The following CAPN14 variants were observed in gnomAD, a reference collection of about 807,000 sequenced individuals.
The protein encoded by CAPN14 is calpain-14.
CAPN14 carries 94 observed loss-of-function variants against 101.3 expected under a neutral mutation model. That is an observed-to-expected ratio of 0.93 (90% CI 0.79 to 1.10). The LOEUF (loss-of-function observed/expected upper bound fraction) is 1.10, where lower values mean the gene tolerates loss of function less well. Ranked by LOEUF, CAPN14 falls within the 50% of genes least tolerant of loss-of-function variation. The pLI is 0.00. For synonymous variants in CAPN14, 338 were observed against 317.9 expected, an observed-to-expected ratio of 1.06 and a Z score of -0.67; for missense variants, 837 against 828.4, an observed-to-expected ratio of 1.01 and a Z score of -0.13.
chr2:31,181,038 C>A (rs755168692), intron 16 of CAPN14, 38 bp from the exon 17 acceptor site: 1 of 1,528,154 alleles, frequency 6.5e-7, no homozygotes, highest in Non-Finnish European at 8.9e-7. Context: ...GGGGCTGGCC[C>A]CAGGTCTGCA....
chr2:31,176,674 A>C (rs1680308297), intron 20 of CAPN14, 32 bp from the exon 21 acceptor site: 1 of 1,526,728 alleles, frequency 6.5e-7, no homozygotes, highest in Non-Finnish European at 8.9e-7. Flanking sequence ...GAATACAGCT[A>C]ATGTGTCTAT....
In CAPN14 at chr2:31,173,565, T is replaced by G. The variant is rs955570389; in HGVS notation, c.*1116A>C. ...ATTTCAGGATATCTGCATTATAGAC[T>G]TGTCAGTTGAACACCTCAAACCCAA... On this transcript the variant is annotated 3_prime_UTR_variant, in exon 22 of 22. Coordinates refer to ENST00000403897, the MANE Select transcript of CAPN14 (RefSeq NM_001145122.2). The G allele has an allele frequency of 1.3e-5, 2 of 152,216 alleles. No homozygotes were observed. Among genetic ancestry groups the G allele is most frequent in the African/African-American group, 2.4e-5 (1 of 41,458 alleles). The allele number at this position is 152,216 out of a possible 1,614,324, so 9.4% of individuals were successfully genotyped here.
intron 20 of CAPN14, 117 bp downstream of exon 20, chr2:31,176,909 C>T (rs998196708): frequency 3.7e-5 from 29 of 786,976 alleles, no homozygotes; most frequent in Non-Finnish European, 5.5e-5. Context: ...CACAGCTTCC[C>T]TGGTCTGCTG....
At chr2:31,213,487 C>A (rs909058310) in intron 1 of CAPN14, among the ~76,000 whole-genome samples, 3 of 152,224 alleles carry the variant, frequency 2.0e-5, no homozygotes, top group Non-Finnish European at 2.9e-5. Context: ...CTATGCTGTC[C>A]TTCATAGGCA....
intron 5 of CAPN14, 32 bp downstream of exon 5, chr2:31,201,830 T>C (rs75525195): frequency 0.03 from 46,782 of 1,545,036 alleles, 849 homozygotes; most frequent in Non-Finnish European, 0.035. Flanking sequence ...AAAGAAGCGA[T>C]GGGAAGGGGG....
upstream of CAPN14, among the ~76,000 whole-genome samples, chr2:31,218,263 CCCA>C (rs1426347468): frequency 1.8e-5 from 2 of 112,484 alleles, no homozygotes; most frequent in Non-Finnish European, 3.4e-5. Context: ...CTCCTAGGTT[CCCA>C]CCACCACTTG....
At chr2:31,175,224 A>G (rs893861160) in intron 21 of CAPN14, among the ~76,000 whole-genome samples, 1 of 152,186 alleles carries the variant, frequency 6.6e-6, no homozygotes, top group African/African-American at 2.4e-5. Flanking sequence ...CGTGAAATCC[A>G]ACAAGGTGGC....
chr2:31,177,563 C>A (rs932423704), intron 19 of CAPN14, among the ~76,000 whole-genome samples, 183 bp downstream of exon 19: 1 of 152,230 alleles, frequency 6.6e-6, no homozygotes, highest in Non-Finnish European at 1.5e-5. Flanking sequence ...ACCCCTCCAT[C>A]AATGTTGGCT....
chr2:31,228,761 C>T (rs1041587154), intron 1 of CAPN14, among the ~76,000 whole-genome samples: 2 of 152,154 alleles, frequency 1.3e-5, no homozygotes, highest in Admixed American at 1.3e-4. Context: ...TCCCTTTAAT[C>T]CTGAAAAAAT....
At chr2:31,178,364 G>C (rs1012410412) in intron 18 of CAPN14, 147 bp downstream of exon 18, 2 of 655,912 alleles carry the variant, frequency 3.0e-6, no homozygotes, top group African/African-American at 3.6e-5. Flanking sequence ...GAGACCAATA[G>C]AGGAAATGCT....
chr2:31,181,519 A>AT (rs1483182626), intron 16 of CAPN14, among the ~76,000 whole-genome samples: 2 of 40,018 alleles, frequency 5.0e-5, no homozygotes, highest in Non-Finnish European at 1.1e-4. Flanking sequence ...TCTTTTTTTT[A>AT]TTTTTTTATT....
intron 1 of CAPN14, among the ~76,000 whole-genome samples, chr2:31,228,026 CT>C (rs1477989198): frequency 6.6e-6 from 1 of 152,174 alleles, no homozygotes; most frequent in Non-Finnish European, 1.5e-5. Context: ...AAGACTGAGG[CT>C]GAAGACAGGG....
In CAPN14 at chr2:31,205,595, A is replaced by C. The variant is rs1218661420; in HGVS notation, c.-52-96T>G. ...GGAAGGATGGAGAGAATGGGAGCGG[A>C]GAAGTCAGCTGGTGAGAAAGAGACA... is the stretch of plus-strand genomic sequence containing the variant. On this transcript the variant is annotated intron_variant, in intron 1 of 21. Coordinates refer to ENST00000403897, the MANE Select transcript of CAPN14 (RefSeq NM_001145122.2). The C allele has an allele frequency of 4.3e-6, 3 of 692,322 alleles. No homozygotes were observed. In the African/African-American group the frequency reaches 5.4e-5, roughly 12 times the overall value. The allele number at this position is 692,322 out of a possible 1,614,324, so 42.9% of individuals were successfully genotyped here.
chr2:31,223,615 G>A (rs549998101), intron 2 of CAPN14, among the ~76,000 whole-genome samples: 3 of 145,008 alleles, frequency 2.1e-5, no homozygotes, highest in African/African-American at 5.2e-5. Context: ...TGCAGCCTCC[G>A]CCTCCTAGGT....
At chr2:31,221,817 G>A (rs1018321213), upstream of CAPN14, among the ~76,000 whole-genome samples, 3 of 152,122 alleles carry the variant, frequency 2.0e-5, no homozygotes, top group African/African-American at 4.8e-5. Flanking sequence ...AAGACATTGC[G>A]ACTGATGCCC....
intron 1 of CAPN14, among the ~76,000 whole-genome samples, chr2:31,210,091 A>G (rs1233595746): frequency 6.6e-6 from 1 of 152,230 alleles, no homozygotes; most frequent in Non-Finnish European, 1.5e-5. Context: ...GGTTGATGTC[A>G]GTGAAAACAT....
At chr2:31,183,186 CAAGATGGAT>C (rs1680737436) in intron 16 of CAPN14, among the ~76,000 whole-genome samples, 1 of 151,694 alleles carries the variant, frequency 6.6e-6, no homozygotes, top group East Asian at 1.9e-4. Flanking sequence ...AAAATTAATT[CAAGATGGAT>C]TAAAGACTTA....
At chr2:31,223,983 T>C (rs1682942012) in intron 2 of CAPN14, among the ~76,000 whole-genome samples, 1 of 152,214 alleles carries the variant, frequency 6.6e-6, no homozygotes, top group Non-Finnish European at 1.5e-5. Flanking sequence ...TTTGTTTTCA[T>C]ACAGCCTGAA....
At chr2:31,228,371 G>A (rs1487611617) in intron 1 of CAPN14, 1 of 152,126 alleles carries the variant, frequency 6.6e-6, no homozygotes, top group Non-Finnish European at 1.5e-5. Flanking sequence ...AGCTAAGGAG[G>A]GTTCGGCCTG....
Sources: allele counts gnomAD v4.1 joint callset (sites outside exome capture counted in the v4.1 genomes callset), GRCh38; gene constraint gnomAD v4.1.1; transcripts MANE v1.5; gene names NCBI Gene and HGNC (gene_info 2026-07-23, HGNC 2026-07-21).